FRMD4A: variants seen among roughly 807,000 people sequenced by gnomAD.
FRMD4A encodes FERM domain containing 4A.
A neutral mutation model predicts 129.1 loss-of-function variants in FRMD4A; 29 were observed. That is an observed-to-expected ratio of 0.22 (90% CI 0.17 to 0.31). The LOEUF is 0.31. FRMD4A is among the 10% of genes least tolerant of loss of function. The pLI, the probability that FRMD4A is intolerant of heterozygous loss-of-function variation, is 1.00. For missense variants in FRMD4A, 1,272 were observed against 1,375.8 expected, an observed-to-expected ratio of 0.92 and a Z score of 1.19; for synonymous variants, 634 against 571.6, an observed-to-expected ratio of 1.11 and a Z score of -1.56.
chr10:13,796,080 C>A lies in FRMD4A; in HGVS notation c.299+416G>T, dbSNP rs144932016. On this transcript the variant is annotated intron_variant, in intron 5 of 24. Coordinates refer to ENST00000357447, the MANE Select transcript of FRMD4A (RefSeq NM_018027.5). ...GACCACTCCTATTTGGGATAAACTACCCAGGTTTCACGAGATTCAAGTGGC... is the reference window on the plus strand; with the variant it reads ...GACCACTCCTATTTGGGATAAACTAACCAGGTTTCACGAGATTCAAGTGGC... Among the ~76,000 whole-genome samples, 506 of 152,190 alleles carry A rather than the reference C, an allele frequency of 3.3e-3. 1 individual carries two copies. Among genetic ancestry groups the A allele is most frequent in the African/African-American group, 0.012 (483 of 41,500 alleles).
chr10:14,283,543 C>A (rs1433483549), intron 2 of FRMD4A, among the ~76,000 whole-genome samples: 3 of 151,936 alleles, frequency 2.0e-5, no homozygotes, highest in African/African-American at 7.3e-5. Flanking sequence ...AAAAATAAAT[C>A]CAAGAAGGGG....
chr10:14,105,318 C>A (rs1837530468), intron 2 of FRMD4A, among the ~76,000 whole-genome samples: 1 of 152,126 alleles, frequency 6.6e-6, no homozygotes, highest in Non-Finnish European at 1.5e-5. Context: ...GTAATCCCAG[C>A]ACTTTGGGTG....
intron 4 of FRMD4A, among the ~76,000 whole-genome samples, chr10:13,800,832 T>C (rs928347493): frequency 3.3e-5 from 5 of 152,208 alleles, no homozygotes; most frequent in Admixed American, 2.6e-4. Flanking sequence ...GAAAACTTTA[T>C]TCCCCACATT....
chr10:14,280,982 ATTTTTTTTTTT>A (rs772555677), intron 2 of FRMD4A, among the ~76,000 whole-genome samples: 139 of 76,536 alleles, frequency 1.8e-3, no homozygotes, highest in Non-Finnish European at 2.3e-3. Flanking sequence ...ACTGGTTTCA[ATTTTTTTTTTT>A]TTTTTTTTTT....
At chr10:13,998,993 A>T (rs1233466986) in intron 2 of FRMD4A, among the ~76,000 whole-genome samples, 1 of 151,854 alleles carries the variant, frequency 6.6e-6, no homozygotes, top group African/African-American at 2.4e-5. Context: ...CTGACTCTTT[A>T]ACCTCACTTC....
chr10:13,878,062 CGA>C (rs2094506513), intron 2 of FRMD4A, among the ~76,000 whole-genome samples: 1 of 152,004 alleles, frequency 6.6e-6, no homozygotes, highest in Admixed American at 6.6e-5. Flanking sequence ...CCCCGGCAAA[CGA>C]GAGTCTAAAT....
At chr10:14,065,547 C>A (rs1028001989) in intron 2 of FRMD4A, among the ~76,000 whole-genome samples, 12 of 152,104 alleles carry the variant, frequency 7.9e-5, no homozygotes, top group African/African-American at 2.7e-4. Flanking sequence ...GGTCACAGGG[C>A]AGCCTCCTCC....
At chr10:13,683,320 T>G (rs1345023855) in intron 15 of FRMD4A, among the ~76,000 whole-genome samples, 1 of 152,030 alleles carries the variant, frequency 6.6e-6, no homozygotes, top group Non-Finnish European at 1.5e-5. Context: ...CCTGGTGGCT[T>G]TCACCTCTAA....
chr10:14,213,937 T>A (rs1842999539), intron 2 of FRMD4A, among the ~76,000 whole-genome samples: 2 of 152,226 alleles, frequency 1.3e-5, no homozygotes, highest in African/African-American at 4.8e-5. Flanking sequence ...TGCCCCCATG[T>A]AAGACATGCC....
chr10:13,657,787 G>GTTTTTTTTTTTTT (rs1204181870), intron 21 of FRMD4A, among the ~76,000 whole-genome samples: 1,374 of 110,754 alleles, frequency 0.012, 30 homozygotes, highest in African/African-American at 0.048. Context: ...TCGATTTCTG[G>GTTTTTTTTTTTTT]GTTTTTTTTT....
intron 8 of FRMD4A, among the ~76,000 whole-genome samples, chr10:13,756,642 G>T (rs2091875378): frequency 6.6e-6 from 1 of 152,012 alleles, no homozygotes; most frequent in Non-Finnish European, 1.5e-5. Context: ...TGGGATTAAA[G>T]ACGTGAGCCA....
At chr10:14,086,342 G>T (rs562730055) in intron 2 of FRMD4A, among the ~76,000 whole-genome samples, 1 of 152,288 alleles carries the variant, frequency 6.6e-6, no homozygotes, top group Non-Finnish European at 1.5e-5. Context: ...CTGAGCCTCA[G>T]GTTCACTAAT....
intron 13 of FRMD4A, among the ~76,000 whole-genome samples, chr10:13,701,682 C>G (rs1398150885): frequency 6.6e-6 from 1 of 152,234 alleles, no homozygotes; most frequent in Non-Finnish European, 1.5e-5. Context: ...AGGCCACCTT[C>G]TGATTTTCTG....
chr10:13,913,917 C>T (rs74121784), intron 2 of FRMD4A, among the ~76,000 whole-genome samples: 2,034 of 152,148 alleles, frequency 0.013, 48 homozygotes, highest in African/African-American at 0.045. Context: ...GGATAGAGGA[C>T]GGGGAGACGC....
intron 2 of FRMD4A, among the ~76,000 whole-genome samples, chr10:13,915,469 G>A (rs879396013): frequency 2.0e-5 from 3 of 151,742 alleles, no homozygotes; most frequent in Admixed American, 6.6e-5. Context: ...TCAGGAGATC[G>A]AGACCATCCT....
chr10:14,299,370 C>T (rs888854291), intron 2 of FRMD4A, among the ~76,000 whole-genome samples: 7 of 152,042 alleles, frequency 4.6e-5, no homozygotes, highest in Admixed American at 1.3e-4. Context: ...TAGGAGCCAT[C>T]GGGTGCAGGA....
intron 2 of FRMD4A, among the ~76,000 whole-genome samples, chr10:13,919,523 T>TTAATGTATA (rs1158555841): frequency 6.6e-6 from 1 of 152,098 alleles, no homozygotes; most frequent in Non-Finnish European, 1.5e-5. Context: ...TAAAATGAAT[T>TTAATGTATA]TAATGTATAT....
intron 2 of FRMD4A, among the ~76,000 whole-genome samples, chr10:14,135,137 G>A (rs1286500515): frequency 2.0e-5 from 3 of 152,194 alleles, no homozygotes; most frequent in Non-Finnish European, 4.4e-5. Flanking sequence ...TCTCCTTTCA[G>A]ATTCACTTTT....
intron 2 of FRMD4A, among the ~76,000 whole-genome samples, chr10:14,125,667 T>A (rs1332678475): frequency 6.6e-6 from 1 of 152,094 alleles, no homozygotes; most frequent in African/African-American, 2.4e-5. Flanking sequence ...CCACTGACTA[T>A]GGAAAAAACA....
Sources: allele counts gnomAD v4.1 joint callset (sites outside exome capture counted in the v4.1 genomes callset), GRCh38; gene constraint gnomAD v4.1.1; transcripts MANE v1.5; gene names NCBI Gene and HGNC (gene_info 2026-07-23, HGNC 2026-07-21).